Variants in ENOX1 observed in about 807,000 individuals in gnomAD.
ENOX1 encodes candidate growth-related and time keeping constitutive hydroquinone (NADH) oxidase.
In ENOX1, 42 loss-of-function variants were observed where a neutral mutation model predicts 82.5. The observed-to-expected ratio is 0.51, with a 90% confidence interval of 0.40 to 0.66. The LOEUF (loss-of-function observed/expected upper bound fraction) is 0.66. Among genes scored for constraint, ENOX1 ranks in the 30% least tolerant of loss-of-function variants. ENOX1 has a pLI of 0.00. For missense variants in ENOX1, 608 were observed against 811.6 expected (o/e 0.75, Z 3.05); for synonymous variants, 271 against 282.2 (o/e 0.96, Z 0.40).
intron 2 of ENOX1, among the ~76,000 whole-genome samples, chr13:43,522,147 A>G (rs183322418): frequency 3.3e-3 from 496 of 152,240 alleles, no homozygotes; most frequent in Non-Finnish European, 5.7e-3. Flanking sequence ...ACTCTATTTA[A>G]AAGTAGAGAG....
At chr13:43,217,829 C>A (rs540132704) in intron 16 of ENOX1, among the ~76,000 whole-genome samples, 1 of 152,346 alleles carries the variant, frequency 6.6e-6, no homozygotes, top group South Asian at 2.1e-4. Flanking sequence ...AGCCTTAGGA[C>A]AAGCCATTCA....
chr13:43,306,674 T>G (rs1339980885), intron 11 of ENOX1, among the ~76,000 whole-genome samples: 1 of 152,210 alleles, frequency 6.6e-6, no homozygotes, highest in Non-Finnish European at 1.5e-5. Flanking sequence ...TCTCATTTTC[T>G]CACCAATCTA....
chr13:43,229,434 G>A (rs574381924), intron 15 of ENOX1, among the ~76,000 whole-genome samples: 1 of 152,282 alleles, frequency 6.6e-6, no homozygotes, highest in East Asian at 1.9e-4. Context: ...GCCCTGAGGT[G>A]GAAGTGAGCT....
chr13:43,331,318 C>T (rs182927099), intron 9 of ENOX1, among the ~76,000 whole-genome samples: 37 of 152,254 alleles, frequency 2.4e-4, no homozygotes, highest in South Asian at 1.5e-3. Flanking sequence ...AGCTAAATAG[C>T]GGTGAAAGAG....
intron 5 of ENOX1, among the ~76,000 whole-genome samples, chr13:43,396,136 ATCC>A (rs1250265836): frequency 1.3e-5 from 2 of 152,178 alleles, no homozygotes; most frequent in African/African-American, 4.8e-5. Flanking sequence ...TTTCGTGTTT[ATCC>A]TCTGGTACTG....
At chr13:43,385,139 C>T (rs186701614) in intron 5 of ENOX1, among the ~76,000 whole-genome samples, 5 of 151,996 alleles carry the variant, frequency 3.3e-5, no homozygotes, top group Admixed American at 1.3e-4. Flanking sequence ...TTTTTCTGTA[C>T]ATTTGGGATA....
intron 1 of ENOX1, among the ~76,000 whole-genome samples, chr13:43,734,090 A>C (rs1387862124): frequency 6.6e-6 from 1 of 152,194 alleles, no homozygotes; most frequent in East Asian, 1.9e-4. Flanking sequence ...CGGACAAAAC[A>C]CCAGAAACAA....
chr13:43,552,084 A>G (rs912199189), intron 2 of ENOX1, among the ~76,000 whole-genome samples: 1 of 152,062 alleles, frequency 6.6e-6, no homozygotes, highest in Non-Finnish European at 1.5e-5. Flanking sequence ...TGTCACTCTG[A>G]GAGGTTTCTG....
intron 2 of ENOX1, among the ~76,000 whole-genome samples, chr13:43,569,672 A>AAT (rs2080084958): frequency 6.6e-6 from 1 of 151,352 alleles, no homozygotes; most frequent in Non-Finnish European, 1.5e-5. Context: ...GGTTTAAAAA[A>AAT]AAAACTGTAT....
At chr13:43,671,157 T>G (rs2085248721) in intron 1 of ENOX1, among the ~76,000 whole-genome samples, 1 of 152,182 alleles carries the variant, frequency 6.6e-6, no homozygotes, top group South Asian at 2.1e-4. Context: ...CCTGCTGCCA[T>G]GTAAGATATG....
intron 14 of ENOX1, among the ~76,000 whole-genome samples, chr13:43,257,285 GAGA>G (rs1407007133): frequency 6.6e-5 from 10 of 152,192 alleles, no homozygotes; most frequent in Non-Finnish European, 8.8e-5. Context: ...ATAGCTAAAA[GAGA>G]AGAATTTGAG....
chr13:43,475,794 CAAAAAA>C (rs10624980), intron 3 of ENOX1, among the ~76,000 whole-genome samples: 29 of 70,928 alleles, frequency 4.1e-4, no homozygotes, highest in African/African-American at 1.2e-3. Flanking sequence ...CATAACTGAC[CAAAAAA>C]AAAAAAAAAA....
At chr13:43,496,941 C>G (rs2076817955) in intron 2 of ENOX1, among the ~76,000 whole-genome samples, 1 of 152,024 alleles carries the variant, frequency 6.6e-6, no homozygotes, top group Admixed American at 6.6e-5. Context: ...AATTTTAGAA[C>G]CAATTTATTA....
At chr13:43,251,333 T>G (rs2043442646) in intron 14 of ENOX1, among the ~76,000 whole-genome samples, 1 of 152,202 alleles carries the variant, frequency 6.6e-6, no homozygotes, top group Non-Finnish European at 1.5e-5. Flanking sequence ...GATTTGTACT[T>G]CTCACCTAAC....
intron 2 of ENOX1, among the ~76,000 whole-genome samples, chr13:43,641,748 T>C (rs1480330922): frequency 6.6e-6 from 1 of 151,906 alleles, no homozygotes; most frequent in African/African-American, 2.4e-5. Flanking sequence ...TTAGCCAGGA[T>C]GGTTTGCATC....
intron 2 of ENOX1, among the ~76,000 whole-genome samples, chr13:43,644,314 G>A (rs2083797261): frequency 6.6e-6 from 1 of 152,020 alleles, no homozygotes; most frequent in African/African-American, 2.4e-5. Context: ...TTTTATTCTG[G>A]GAATTTAAGG....
At chr13:43,767,738 C>T (rs534593645) in intron 1 of ENOX1, among the ~76,000 whole-genome samples, 7 of 152,338 alleles carry the variant, frequency 4.6e-5, no homozygotes, top group Non-Finnish European at 1.0e-4. Context: ...CTTGCCAAAG[C>T]CCTCTACTCT....
chr13:43,621,009 T>C (rs1480838634), intron 2 of ENOX1, among the ~76,000 whole-genome samples: 1 of 152,222 alleles, frequency 6.6e-6, no homozygotes, highest in Non-Finnish European at 1.5e-5. Flanking sequence ...CATCTCTGTC[T>C]CTTTTAACTG....
chr13:43,707,708 G>A (rs1191533506), intron 1 of ENOX1, among the ~76,000 whole-genome samples: 1 of 127,050 alleles, frequency 7.9e-6, no homozygotes, highest in African/African-American at 2.9e-5. Flanking sequence ...ACTCCAGCCT[G>A]GTGACAGAGA....
Sources: gnomAD v4.1 joint callset for allele counts (sites outside exome capture counted in the v4.1 genomes callset) on GRCh38, gnomAD v4.1.1 for gene constraint, MANE v1.5 for transcripts, NCBI Gene and HGNC (gene_info 2026-07-23, HGNC 2026-07-21) for gene names.